The following VCL variants were observed in gnomAD, a reference collection of about 807,000 sequenced individuals.
The protein encoded by VCL is epididymis luminal protein 114.
Under a neutral mutation model 125.7 loss-of-function variants are expected in VCL, and 47 were observed. That is an observed-to-expected ratio of 0.37 (90% CI 0.30 to 0.48). The LOEUF (loss-of-function observed/expected upper bound fraction) is 0.48. Ranked by LOEUF, VCL falls within the 20% of genes least tolerant of loss-of-function variation. The pLI is 0.99. For synonymous variants in VCL, 458 were observed against 514.6 expected, an observed-to-expected ratio of 0.89 and a Z score of 1.49; for missense variants, 1,069 against 1,455.5, an observed-to-expected ratio of 0.73 and a Z score of 4.32.
chr10:74,099,927 G>C (rs1366679175), intron 13 of VCL, among the ~76,000 whole-genome samples: 1 of 152,182 alleles, frequency 6.6e-6, no homozygotes, highest in Non-Finnish European at 1.5e-5. Flanking sequence ...CACTGGCAAT[G>C]ATTTGGAACC....
intron 1 of VCL, among the ~76,000 whole-genome samples, chr10:74,021,959 A>G (rs994303639): frequency 6.6e-6 from 1 of 151,868 alleles, no homozygotes; most frequent in Non-Finnish European, 1.5e-5. Flanking sequence ...CCTTTCCATT[A>G]CTGCCAAGTA....
In VCL at chr10:74,116,821, C is replaced by T. The variant is rs529353392; in HGVS notation, c.3259-1202C>T. Among the ~76,000 whole-genome samples the T allele has an allele frequency of 1.8e-4, 27 of 152,276 alleles. No individual in the cohort carries two copies. The South Asian group carries it at 5.6e-3, about 32-fold the overall frequency. On this transcript the variant is annotated intron_variant, in intron 21 of 21. Coordinates refer to ENST00000211998, the MANE Select transcript of VCL (RefSeq NM_014000.3). Reference sequence around the variant, plus strand: ...CTCTGGGCCTGAGTCCCTTTGCTGACCAAGTGAAAAGAACAACTGATGAGG... The same window carrying T: ...CTCTGGGCCTGAGTCCCTTTGCTGATCAAGTGAAAAGAACAACTGATGAGG...
At chr10:74,008,887 T>G (rs1407794826) in intron 1 of VCL, among the ~76,000 whole-genome samples, 1 of 152,220 alleles carries the variant, frequency 6.6e-6, no homozygotes, top group African/African-American at 2.4e-5. Flanking sequence ...CTCAGGCAGG[T>G]CAACCCTTAA....
At chr10:74,066,797 G>C (rs1373846431) in intron 2 of VCL, among the ~76,000 whole-genome samples, 2 of 151,380 alleles carry the variant, frequency 1.3e-5, no homozygotes, top group Non-Finnish European at 2.9e-5. Flanking sequence ...TCAGCCTCCT[G>C]TGTAGCTGGG....
intron 2 of VCL, among the ~76,000 whole-genome samples, chr10:74,066,126 C>T (rs973978531): frequency 6.7e-6 from 1 of 149,426 alleles, no homozygotes; most frequent in Admixed American, 6.7e-5. Context: ...ATGGCACGAT[C>T]TCAGCTCACC....
Position 74,103,843 on chromosome 10 carries a change from A to T in VCL, c.2046A>T (p.Leu682Phe), listed in dbSNP as rs565398652. The T allele has an allele frequency of 6.2e-5, 100 of 1,614,202 alleles. No individual in the cohort carries two copies. The Middle Eastern group carries it at 1.5e-3, about 24-fold the overall frequency. The change falls in exon 15 of 22, where the codon TTA becomes TTT. Residue 682 changes from leucine to phenylalanine, a missense_variant. Coordinates refer to ENST00000211998, the MANE Select transcript of VCL (RefSeq NM_014000.3). ...TPQVVSAARI[L>F]LRNPGNQAAY... ...AGGTGGTCTCGGCTGCTCGTATCTT[A>T]CTTAGGAACCCTGGAAATCAAGCTG... is the stretch of plus-strand genomic sequence containing the variant.
intron 1 of VCL, among the ~76,000 whole-genome samples, chr10:74,010,765 T>A (rs1457697622): frequency 1.3e-5 from 2 of 152,194 alleles, no homozygotes; most frequent in African/African-American, 4.8e-5. Flanking sequence ...TTCTCTGCCA[T>A]CTGGGGAGCT....
chr10:74,020,345 T>A (rs906853638), intron 1 of VCL, among the ~76,000 whole-genome samples: 11 of 152,146 alleles, frequency 7.2e-5, no homozygotes, highest in Non-Finnish European at 1.2e-4. Flanking sequence ...CTTTTTGATC[T>A]CACTTGGAAA....
chr10:74,107,361 A>G lies in VCL; in HGVS notation c.2559+7A>G. 6.2e-7 allele frequency: 1 copy of G among 1,614,226 alleles called. No homozygotes were observed. Among genetic ancestry groups the G allele is most frequent in the Non-Finnish European group, 8.5e-7 (1 of 1,180,034 alleles). ...AGACCTTGAACAACTCCGAGTAAGT[A>G]AATTCAGATATGCAGAGAATTGAGC... On this transcript the variant is annotated splice_region_variant and intron_variant, in intron 17 of 21. Transcript: ENST00000211998.
chr10:74,117,917 C>A, intron 21 of VCL, 106 bp from the exon 22 acceptor site: 1 of 1,494,390 alleles, frequency 6.7e-7, no homozygotes, highest in Non-Finnish European at 9.3e-7. Context: ...TGGGGGATGC[C>A]AGGTACCAGT....
Position 74,083,409 on chromosome 10 carries a change from T to C in VCL, c.918T>C (p.Ala306=). Residue 306 remains alanine (A), a synonymous_variant, in exon 8 of 22, where the codon GCT becomes GCC. Transcript: ENST00000211998. ...EQAIRQILDE[A]GKVGELCAGK... ...CCATCAGACAGATCTTAGATGAAGC[T>C]GGAAAAGTTGGTGAACTCTGTGCAG... The C allele has an allele frequency of 6.2e-7, 1 of 1,614,136 alleles. No individual in the cohort carries two copies. Among genetic ancestry groups the C allele is most frequent in the Admixed American group, 1.7e-5 (1 of 60,016 alleles).
At chr10:74,101,759 T>C (rs1444989482) in intron 14 of VCL, among the ~76,000 whole-genome samples, 1 of 151,168 alleles carries the variant, frequency 6.6e-6, no homozygotes, top group Non-Finnish European at 1.5e-5. Context: ...GGGTTTCACC[T>C]TGTTAGCCAG....
chr10:74,059,562 G>A (rs1024489403), intron 2 of VCL, among the ~76,000 whole-genome samples: 1 of 151,968 alleles, frequency 6.6e-6, no homozygotes. Flanking sequence ...GTGCCACCAC[G>A]CTTGGCTAAT....
At chr10:74,047,501 T>C (rs1197570774) in intron 2 of VCL, among the ~76,000 whole-genome samples, 1 of 152,174 alleles carries the variant, frequency 6.6e-6, no homozygotes, top group South Asian at 2.1e-4. Context: ...GGTTGATGTT[T>C]AGAAATTTCT....
At chr10:74,064,352 G>A (rs553951278) in intron 2 of VCL, among the ~76,000 whole-genome samples, 185 of 151,892 alleles carry the variant, frequency 1.2e-3, no homozygotes, top group Middle Eastern at 0.01. Flanking sequence ...ACCAGCTCCC[G>A]TTTTGAAGCT....
chr10:74,038,413 G>A (rs1841028517), intron 1 of VCL, among the ~76,000 whole-genome samples: 1 of 152,108 alleles, frequency 6.6e-6, no homozygotes, highest in Non-Finnish European at 1.5e-5. Flanking sequence ...GGACAGCACT[G>A]CCAAAAATCA....
chr10:74,120,624 TCTC>T (rs564244232), downstream of VCL: 4 of 152,572 alleles, frequency 2.6e-5, no homozygotes, highest in East Asian at 7.7e-4. Flanking sequence ...TTCAAGCAAT[TCTC>T]CTGCCTCAGC....
At chr10:74,072,889 A>T (rs778111182) in intron 5 of VCL, 37 bp downstream of exon 5, 1 of 1,613,480 alleles carries the variant, frequency 6.2e-7, no homozygotes, top group African/African-American at 1.3e-5. Context: ...TAGGGGGGAA[A>T]AATGTTAGCA....
rs936150025 is a variant in VCL, at chr10:74,097,417, G to T, written c.1872+85G>T. 1 of 1,576,566 alleles carries T rather than the reference G, an allele frequency of 6.3e-7. No individual in the cohort carries two copies. The highest frequency in any genetic ancestry group is 8.6e-7 in the Non-Finnish European group (1 of 1,162,558). On this transcript the variant is annotated intron_variant, in intron 13 of 21. Transcript: ENST00000211998. The surrounding 1 kb of genome is among the most constrained non-coding windows in gnomAD (Gnocchi z 4.1). The stretch of plus-strand genomic sequence containing the variant: ...GAAATGTGATTACAGTGGACATCAG[G>T]ATCAGTGGTTGGGAAACTGTAGATG...
Sources: gnomAD v4.1 joint callset for allele counts (sites outside exome capture counted in the v4.1 genomes callset) on GRCh38, gnomAD v4.1.1 for gene constraint, Gnocchi (gnomAD v3.1) non-coding constraint, MANE v1.5 for transcripts, NCBI Gene and HGNC (gene_info 2026-07-23, HGNC 2026-07-21) for gene names.